The following SUGP1 variants were observed in gnomAD, a reference collection of about 807,000 sequenced individuals.
SUGP1 encodes SURP and G-patch domain containing 1.
SUGP1 carries 34 observed loss-of-function variants against 76.5 expected under a neutral mutation model. The ratio of observed to expected loss-of-function variants is 0.44; its 90% confidence interval spans 0.34 to 0.59. The LOEUF (loss-of-function observed/expected upper bound fraction) is 0.59, where lower values mean the gene tolerates loss of function less well. Among genes scored for constraint, SUGP1 ranks in the 20% least tolerant of loss-of-function variants. SUGP1 has a pLI of 0.01. For missense variants in SUGP1, 752 were observed against 851.7 expected (o/e 0.88, Z 1.46); for synonymous variants, 326 against 326.2 (o/e 1.00, Z 0.01).
At chr19:19,313,163 GC>G (rs2061364960) in intron 2 of SUGP1, among the ~76,000 whole-genome samples, 1 of 152,010 alleles carries the variant, frequency 6.6e-6, no homozygotes, top group Non-Finnish European at 1.5e-5. Flanking sequence ...GTAGGCCAAA[GC>G]AGGCGGATCA....
chr19:19,319,706 C>CAAAAAAAAA (rs570232030), intron 1 of SUGP1, among the ~76,000 whole-genome samples: 44 of 69,106 alleles, frequency 6.4e-4, no homozygotes, highest in East Asian at 1.0e-3. Context: ...GACCCTGTCT[C>CAAAAAAAAA]AAAAAAAAAA....
At chr19:19,277,255 G>GGT (rs1555787453) in intron 12 of SUGP1, among the ~76,000 whole-genome samples, 179 bp from the exon 13 acceptor site, 11 of 150,650 alleles carry the variant, frequency 7.3e-5, no homozygotes, top group Admixed American at 6.6e-4. Context: ...GGCGGGCGGG[G>GGT]GGGGGGGGCC....
Position 19,317,808 on chromosome 19 carries a change from CT to C in SUGP1, c.35-1216del, listed in dbSNP as rs781257871. ...GGCATGAGGCACCGTGCCCCAGTGG[CT>C]TTTTTTTTTTTTTTTTTTTGAGGCG... On this transcript the variant is annotated intron_variant, in intron 1 of 13. Coordinates refer to ENST00000247001, the MANE Select transcript of SUGP1 (RefSeq NM_172231.4). 9.2e-3 allele frequency among the ~76,000 whole-genome samples: 1,017 copies of C among 110,582 alleles called. 7 individuals carry two copies. Among genetic ancestry groups the C allele is most frequent in the African/African-American group, 0.028 (796 of 28,298 alleles). The allele number at this position is 110,582 out of a possible 152,430, so 72.5% of individuals were successfully genotyped here.
At chr19:19,317,870 G>A in intron 1 of SUGP1, among the ~76,000 whole-genome samples, 1 of 147,588 alleles carries the variant, frequency 6.8e-6, no homozygotes, top group East Asian at 2.0e-4. Context: ...GAATGCAGTG[G>A]CACCACCTCG....
chr19:19,320,214 G>A (rs951934968), intron 1 of SUGP1, among the ~76,000 whole-genome samples: 1 of 152,220 alleles, frequency 6.6e-6, no homozygotes, highest in Non-Finnish European at 1.5e-5. Flanking sequence ...TTCGGAAACG[G>A]GACGCAGGGC....
chr19:19,307,728 A>G (rs2061327509), intron 3 of SUGP1, among the ~76,000 whole-genome samples: 1 of 150,876 alleles, frequency 6.6e-6, no homozygotes, highest in Non-Finnish European at 1.5e-5. Flanking sequence ...GCGTGAGCTC[A>G]GCTCACGTGA....
chr19:19,289,116 T>C lies in SUGP1; in HGVS notation c.1243+7873A>G, dbSNP rs1330950668. Among the ~76,000 whole-genome samples, 4 of 152,134 alleles carry C rather than the reference T, an allele frequency of 2.6e-5. No homozygotes were observed. The East Asian group carries it at 7.8e-4, about 30-fold the overall frequency. The stretch of plus-strand genomic sequence containing the variant: ...AGATTTTCAACTGCACAGGGCTTGG[T>C]GTCCCAACCCCCATGTTGTTCAAGG... On this transcript the variant is annotated intron_variant, in intron 8 of 13. Transcript: ENST00000247001.
At chr19:19,290,609 A>C (rs1239088677) in intron 8 of SUGP1, among the ~76,000 whole-genome samples, 1 of 151,984 alleles carries the variant, frequency 6.6e-6, no homozygotes, top group Non-Finnish European at 1.5e-5. Context: ...GTGCCACTGC[A>C]CTCCAGCCCG....
rs776212578 is a variant in SUGP1, at chr19:19,316,643, C to T, written c.35-50G>A. On this transcript the variant is annotated intron_variant, in intron 1 of 13. Transcript: ENST00000247001. ...GGAAATCACCCTTACTCCACAAACA[C>T]CCCAAGAAGCTGTGACAGGCCAGAG... 5 of 1,596,118 alleles carry T rather than the reference C, an allele frequency of 3.1e-6. No individual in the cohort carries two copies. The South Asian group carries it at 5.6e-5, about 18-fold the overall frequency.
chr19:19,280,508 C>T, intron 8 of SUGP1: 1 of 554,088 alleles, frequency 1.8e-6, no homozygotes, highest in Non-Finnish European at 3.3e-6. Flanking sequence ...GTGACCTCTC[C>T]AGCCAGGCTC....
chr19:19,318,459 C>T (rs906462013), intron 1 of SUGP1, among the ~76,000 whole-genome samples: 3 of 151,426 alleles, frequency 2.0e-5, no homozygotes, highest in East Asian at 2.0e-4. Flanking sequence ...GACAGGGTCT[C>T]GCTGAGTTGC....
intron 8 of SUGP1, among the ~76,000 whole-genome samples, chr19:19,287,774 T>C (rs1017837962): frequency 6.6e-6 from 1 of 152,156 alleles, no homozygotes; most frequent in Non-Finnish European, 1.5e-5. Flanking sequence ...TTTTATGACA[T>C]GGACCCGAGA....
rs11555053 is a variant in SUGP1, at chr19:19,279,376, G to A, written c.1365C>T (p.Tyr455=). The change falls in exon 10 of 14, where the codon TAC becomes TAT. Residue 455 remains tyrosine (Y), a synonymous_variant. Coordinates refer to ENST00000247001, the MANE Select transcript of SUGP1 (RefSeq NM_172231.4). ...LKEQQEMQQM[Y]DMIMQHKRAM... ...CCCGCTTGTGCTGCATGATCATGTC[G>A]TACATCTGCTGCATCTGCAGGGCAC... 251,795 of 1,604,516 alleles carry A rather than the reference G, an allele frequency of 0.16. 21,408 individuals carry two copies. The highest frequency in any genetic ancestry group is 0.28 in the African/African-American group (21,226 of 74,800).
At chr19:19,292,439 C>T (rs149497268) in intron 8 of SUGP1, among the ~76,000 whole-genome samples, 12 of 151,706 alleles carry the variant, frequency 7.9e-5, no homozygotes, top group African/African-American at 2.2e-4. Flanking sequence ...TGGTGGCTCA[C>T]GCCTGTAATC....
rs528546594 is a variant in SUGP1, at chr19:19,287,197, G to C, written c.1244-6906C>G. Reference sequence around the variant, plus strand: ...GAGACGGGAGGATCCCTTGACCCCAGAGCGCAGAGGCTGCAGTGAGCCGAG... The same window carrying C: ...GAGACGGGAGGATCCCTTGACCCCACAGCGCAGAGGCTGCAGTGAGCCGAG... On this transcript the variant is annotated intron_variant, in intron 8 of 13. Coordinates refer to ENST00000247001, the MANE Select transcript of SUGP1 (RefSeq NM_172231.4). 5.3e-5 allele frequency among the ~76,000 whole-genome samples: 8 copies of C among 152,196 alleles called. No individual in the cohort carries two copies. The South Asian group carries it at 1.5e-3, about 28-fold the overall frequency.
rs1310417911 is a variant in SUGP1, at chr19:19,305,986, A to T, written c.401T>A (p.Leu134Gln). 1 of 1,611,634 alleles carries T rather than the reference A, an allele frequency of 6.2e-7. No homozygotes were observed. Among genetic ancestry groups the T allele is most frequent in the African/African-American group, 1.3e-5 (1 of 74,904 alleles). Reference protein sequence around the residue: ...RSLLISRRTGLGLASLPGPVK... With the variant: ...RSLLISRRTGQGLASLPGPVK... Reference sequence around the variant, plus strand: ...AGGGCCCGGCAGGCTGGCCAGCCCCAGGCCTGTCCGCCTGCTGATGAGCAG... The same window carrying T: ...AGGGCCCGGCAGGCTGGCCAGCCCCTGGCCTGTCCGCCTGCTGATGAGCAG... Residue 134 changes from leucine (L) to glutamine (Q), a missense_variant, in exon 4 of 14, where the codon CTG becomes CAG. Physicochemically the swap from Leu to Gln is moderately radical, Grantham distance 113. Transcript: ENST00000247001.
intron 2 of SUGP1, among the ~76,000 whole-genome samples, chr19:19,314,107 A>G (rs938454516): frequency 2.6e-5 from 4 of 151,954 alleles, no homozygotes; most frequent in Non-Finnish European, 5.9e-5. Context: ...ACTGCACTCC[A>G]GCCTGGGCGG....
At chr19:19,295,996 G>A (rs549326796) in intron 8 of SUGP1, among the ~76,000 whole-genome samples, 3 of 152,132 alleles carry the variant, frequency 2.0e-5, no homozygotes, top group African/African-American at 4.8e-5. Flanking sequence ...CCCAGACGAC[G>A]AGATATCACT....
chr19:19,289,487 C>T (rs1303042637), intron 8 of SUGP1, among the ~76,000 whole-genome samples: 1 of 152,114 alleles, frequency 6.6e-6, no homozygotes, highest in Non-Finnish European at 1.5e-5. Context: ...GTGGCTCACG[C>T]CTGTAATCCT....
Sources: allele counts gnomAD v4.1 joint callset (sites outside exome capture counted in the v4.1 genomes callset), GRCh38; gene constraint gnomAD v4.1.1; transcripts MANE v1.5; gene names NCBI Gene and HGNC (gene_info 2026-07-23, HGNC 2026-07-21).